Variants in FXN observed in about 807,000 individuals in gnomAD.
FXN encodes the protein frataxin, also known as frataxin, mitochondrial.
FXN carries 14 observed loss-of-function variants against 22.4 expected under a neutral mutation model. The ratio of observed to expected loss-of-function variants is 0.62; its 90% CI spans 0.41 to 0.98. The LOEUF is 0.98. Among genes scored for constraint, FXN ranks in the 50% least tolerant of loss-of-function variants. FXN has a pLI of 0.00. For synonymous variants in FXN, 120 were observed against 114.1 expected, an observed-to-expected ratio of 1.05 and a Z score of -0.33; for missense variants, 267 against 268.4, an observed-to-expected ratio of 0.99 and a Z score of 0.04.
chr9:69,035,840 C>A lies in FXN; in HGVS notation c.58C>A (p.Gln20Lys). The change falls in exon 1 of 5, where the codon CAG (glutamine) becomes AAG (lysine). Residue 20 changes from glutamine to lysine, a missense_variant. Gln to Lys is a moderately conservative substitution (Grantham distance 53). Transcript: ENST00000484259. ...CCTCCTGGCGTCACCCAGCCCAGCC[C>A]AGGCCCAGACCCTCACCCGGGTCCC... The part of the protein sequence containing the change: ...AGLLASPSPA[Q>K]AQTLTRVPRP... The A allele has an allele frequency of 6.6e-7, 1 of 1,510,628 alleles. No homozygotes were observed. Among genetic ancestry groups the A allele is most frequent in the South Asian group, 1.2e-5 (1 of 81,358 alleles). The allele number at this position is 1,510,628 out of a possible 1,614,324, so 93.6% of individuals were successfully genotyped here. A position where few individuals can be genotyped will look rare whatever the true frequency, so the allele number is the denominator to read the frequency against.
intron 2 of FXN, among the ~76,000 whole-genome samples, chr9:69,048,520 G>A (rs1332541346): frequency 2.0e-5 from 3 of 152,010 alleles, no homozygotes; most frequent in South Asian, 2.1e-4. Context: ...CAGGAGAATC[G>A]CTTAAACCCA....
At chr9:69,039,367 G>A (rs1319447194) in intron 1 of FXN, among the ~76,000 whole-genome samples, 1 of 152,100 alleles carries the variant, frequency 6.6e-6, no homozygotes, top group Non-Finnish European at 1.5e-5. Flanking sequence ...CACATTTCTA[G>A]TGCTCAGTAG....
rs56827613 is a variant in FXN at position 69,075,459 on chromosome 9, CAAAT to C, written c.*2717_*2720del. 126 of 923,226 alleles carry C rather than the reference CAAAT, an allele frequency of 1.4e-4. 1 individual carries two copies. The highest frequency in any genetic ancestry group is 5.6e-4 in the Middle Eastern group (1 of 1,798). The allele number at this position is 923,226 out of a possible 1,614,324, so 57.2% of individuals were successfully genotyped here. On this transcript the variant is annotated 3_prime_UTR_variant, in exon 5 of 5. Coordinates refer to ENST00000484259, the MANE Select transcript of FXN (RefSeq NM_000144.5). ...TGGCCAACAGAGCCATACTCCGTCT[CAAAT>C]AAATAAATAAATAAATAAAGGGACT...
In FXN at chr9:69,078,675, G is replaced by A. The variant is rs1049346587; in HGVS notation, c.*5913G>A. 3 of 949,682 alleles carry A rather than the reference G, an allele frequency of 3.2e-6. No homozygotes were observed. The African/African-American group carries it at 6.8e-5, about 21-fold the overall frequency. 58.8% of individuals were successfully genotyped at this position (949,682 alleles called of 1,614,324 possible). Reference sequence around the variant, plus strand: ...ATCCCAAATCCCCAGATCCCTAAGTGTGCTGTGCTATTTTCACGTGGCTCT... The same window carrying A: ...ATCCCAAATCCCCAGATCCCTAAGTATGCTGTGCTATTTTCACGTGGCTCT... On this transcript the variant is annotated 3_prime_UTR_variant, in exon 5 of 5. Transcript: ENST00000484259.
At chr9:69,039,538 A>G (rs1441177840) in intron 1 of FXN, among the ~76,000 whole-genome samples, 2 of 152,132 alleles carry the variant, frequency 1.3e-5, no homozygotes, top group African/African-American at 2.4e-5. Context: ...GAGGCTGGGA[A>G]GGACTCTGAT....
At chr9:69,043,865 C>T (rs1490078374) in intron 1 of FXN, among the ~76,000 whole-genome samples, 2 of 152,050 alleles carry the variant, frequency 1.3e-5, no homozygotes, top group African/African-American at 4.8e-5. Flanking sequence ...ATTATAGGCA[C>T]GAACCACAAT....
rs375500744 is a variant in FXN, at chr9:69,052,582, G to T, written c.264-558G>T. On this transcript the variant is annotated intron_variant, in intron 2 of 4. Coordinates refer to ENST00000484259, the MANE Select transcript of FXN (RefSeq NM_000144.5). ...TTTTGAGACAGAGTCTCGCTCTGTC[G>T]CCCAGGCTGGAGTGCAGTGGCGCAA... 3.2e-3 allele frequency among the ~76,000 whole-genome samples: 381 copies of T among 119,894 alleles called. 3 individuals are homozygous for T. Among genetic ancestry groups the T allele is most frequent in the African/African-American group, 0.011 (351 of 30,892 alleles). The allele number at this position is 119,894 out of a possible 152,430, so 78.7% of individuals were successfully genotyped here.
rs759287478 is a variant in FXN at position 69,076,389 on chromosome 9, C to T, written c.*3627C>T. 127 of 985,158 alleles carry T rather than the reference C, an allele frequency of 1.3e-4. No homozygotes were observed. The highest frequency in any genetic ancestry group is 1.5e-4 in the Non-Finnish European group (125 of 829,848). 61.0% of individuals were successfully genotyped at this position (985,158 alleles called of 1,614,324 possible). A position where few individuals can be genotyped will look rare whatever the true frequency, so the allele number is the denominator to read the frequency against. On this transcript the variant is annotated 3_prime_UTR_variant, in exon 5 of 5. Coordinates refer to ENST00000484259, the MANE Select transcript of FXN (RefSeq NM_000144.5). ...AGGACTTCTCCCAAAATATGGATGA[C>T]GTTCCCTACTCAACCTTGAACTTAA...
At position 69,074,830 on chromosome 9, in the gene FXN, C is replaced by G; in HGVS notation, c.*2068C>G. 5.1e-6 allele frequency: 5 copies of G among 972,952 alleles called. No homozygotes were observed. The highest frequency in any genetic ancestry group is 6.1e-6 in the Non-Finnish European group (5 of 818,722). The allele number at this position is 972,952 out of a possible 1,614,324, so 60.3% of individuals were successfully genotyped here. A position where few individuals can be genotyped will look rare whatever the true frequency, so the allele number is the denominator to read the frequency against. On this transcript the variant is annotated 3_prime_UTR_variant, in exon 5 of 5. Transcript: ENST00000484259. ...TCTGAAATAAAATTATTTTTTGAGT[C>G]TGATGGAAATGTTTAAGTGCAGTAG...
At chr9:69,053,004 AAAG>A (rs2133110549) in intron 2 of FXN, 133 bp from the exon 3 acceptor site, 18 of 1,038,428 alleles carry the variant, frequency 1.7e-5, no homozygotes, top group Middle Eastern at 3.5e-4. Context: ...AAAAAAAAAA[AAAG>A]AAAGAAAAAC....
intron 2 of FXN, 26 bp from the exon 3 acceptor site, chr9:69,053,113 GT>G: frequency 6.2e-7 from 1 of 1,612,290 alleles, no homozygotes; most frequent in Admixed American, 1.7e-5. Flanking sequence ...TGGTAATCAT[GT>G]TTTGGGTTTT....
chr9:69,071,325 G>T (rs1384299782), intron 4 of FXN: 10 of 518,482 alleles, frequency 1.9e-5, no homozygotes, highest in Non-Finnish European at 2.7e-5. Flanking sequence ...GGTTGATAAT[G>T]CAGGAATCCT....
Position 69,078,399 on chromosome 9 carries a change from T to A in FXN, c.*5637T>A, listed in dbSNP as rs564080802. 26 of 984,904 alleles carry A rather than the reference T, an allele frequency of 2.6e-5. No individual in the cohort carries two copies. The South Asian group carries it at 1.1e-3, about 41-fold the overall frequency. The allele number at this position is 984,904 out of a possible 1,614,324, so 61.0% of individuals were successfully genotyped here. On this transcript the variant is annotated 3_prime_UTR_variant, in exon 5 of 5. Coordinates refer to ENST00000484259, the MANE Select transcript of FXN (RefSeq NM_000144.5). ...CCGTCCCCAGTGGAGGTCCTCATCA[T>A]TTTTCACCTGCATTTTTGCAGGAGC...
Position 69,073,210 on chromosome 9 carries a change from G to A in FXN, c.*448G>A, listed in dbSNP as rs1296600759. Reference sequence around the variant, plus strand: ...ATCTCCAAATGAGACACATTAAAGGGTAGCCTACAAATGTTTTCAGGCTTC... The same window carrying A: ...ATCTCCAAATGAGACACATTAAAGGATAGCCTACAAATGTTTTCAGGCTTC... On this transcript the variant is annotated 3_prime_UTR_variant, in exon 5 of 5. Coordinates refer to ENST00000484259, the MANE Select transcript of FXN (RefSeq NM_000144.5). The A allele has an allele frequency of 3.8e-6, 4 of 1,047,246 alleles. No individual in the cohort carries two copies. The highest frequency in any genetic ancestry group is 6.8e-5 in the South Asian group (2 of 29,552). The allele number at this position is 1,047,246 out of a possible 1,614,324, so 64.9% of individuals were successfully genotyped here. A position where few individuals can be genotyped will look rare whatever the true frequency, so the allele number is the denominator to read the frequency against.
rs1587812052 is a variant in FXN at position 69,036,075 on chromosome 9, C to T, written c.165+128C>T. ...GCGCGCTGGACTAGCTCACCCCGCT[C>T]CTTCTCAGGGCGGCCCGGCGGAAGC... On this transcript the variant is annotated intron_variant, in intron 1 of 4. Transcript: ENST00000484259. 12 of 828,272 alleles carry T rather than the reference C, an allele frequency of 1.4e-5. No homozygotes were observed. In the South Asian group the frequency reaches 4.6e-4, roughly 32 times the overall value. 51.3% of individuals were successfully genotyped at this position (828,272 alleles called of 1,614,324 possible).
intron 1 of FXN, among the ~76,000 whole-genome samples, chr9:69,040,914 A>G (rs1333686190): frequency 6.6e-6 from 1 of 152,138 alleles, no homozygotes; most frequent in Non-Finnish European, 1.5e-5. Flanking sequence ...GAACCAGGAA[A>G]CTGGCCCTCA....
At chr9:69,051,971 C>T (rs1182317351) in intron 2 of FXN, among the ~76,000 whole-genome samples, 2 of 152,094 alleles carry the variant, frequency 1.3e-5, no homozygotes, top group African/African-American at 4.8e-5. Flanking sequence ...CCTCAGCCTC[C>T]CGAGTAGCTG....
intron 2 of FXN, among the ~76,000 whole-genome samples, chr9:69,048,833 T>C (rs1304700072): frequency 6.6e-6 from 1 of 152,228 alleles, no homozygotes; most frequent in Non-Finnish European, 1.5e-5. Context: ...AGACTCAGAT[T>C]TCCAGAGGGC....
Position 69,075,819 on chromosome 9 carries a change from C to A in FXN, c.*3057C>A. 1.4e-6 allele frequency: 1 copy of A among 690,166 alleles called. No individual in the cohort carries two copies. The highest frequency in any genetic ancestry group is 1.8e-6 in the Non-Finnish European group (1 of 560,826). 42.8% of individuals were successfully genotyped at this position (690,166 alleles called of 1,614,324 possible). On this transcript the variant is annotated 3_prime_UTR_variant, in exon 5 of 5. Coordinates refer to ENST00000484259, the MANE Select transcript of FXN (RefSeq NM_000144.5). ...AATCAAAGCTCATGGCAGCCTCGAC[C>A]TCCCTGGGCTTGGGCAATCCTCCCA... is the stretch of plus-strand genomic sequence containing the variant.
Sources: gnomAD v4.1 joint callset for allele counts (sites outside exome capture counted in the v4.1 genomes callset) on GRCh38, gnomAD v4.1.1 for gene constraint, MANE v1.5 for transcripts, NCBI Gene and HGNC (gene_info 2026-07-23, HGNC 2026-07-21) for gene names.